CSTL1: variants seen among roughly 807,000 people sequenced by gnomAD.
CSTL1 encodes cystatin like 1, also known as cystatin-like 1.
In CSTL1, 14 loss-of-function variants were observed where a neutral mutation model predicts 14.4. The observed-to-expected ratio is 0.97, with a 90% CI of 0.64 to 1.52. CSTL1 has a LOEUF of 1.52. Ranked by LOEUF, CSTL1 falls within the 40% of genes most tolerant of loss-of-function variation. The pLI is 0.00. For missense variants in CSTL1, 170 were observed against 168.7 expected, an observed-to-expected ratio of 1.01 and a Z score of -0.04; for synonymous variants, 72 against 67.5, an observed-to-expected ratio of 1.07 and a Z score of -0.33.
chr20:23,451,990 G>C, the CSTL1 span: 8 of 1,175,884 alleles, frequency 6.8e-6, no homozygotes, highest in Non-Finnish European at 1.0e-5. Context: ...CTGTGCCTGG[G>C]GGCTCCGCTA....
rs545590194 is a variant in CSTL1, at chr20:23,439,722, C to A, written c.-209C>A. 9.9e-5 allele frequency: 16 copies of A among 161,244 alleles called. No homozygotes were observed. Among genetic ancestry groups the A allele is most frequent in the Admixed American group, 6.3e-4 (11 of 17,408 alleles). 10.0% of individuals were successfully genotyped at this position (161,244 alleles called of 1,614,324 possible). The stretch of plus-strand genomic sequence containing the variant: ...CAAGCAGAAATCTGTGGTGGGCGGG[C>A]GGCAGGTGAGCAAGGAGAACGTGTC... On this transcript the variant is annotated 5_prime_UTR_variant, in exon 1 of 4. Transcript: ENST00000347397.
At chr20:23,453,783 G>T in the CSTL1 span, among the ~76,000 whole-genome samples, 1 of 152,116 alleles carries the variant, frequency 6.6e-6, no homozygotes, top group South Asian at 2.1e-4. Context: ...TGCCTCCAGG[G>T]GATGCCAGGA....
At chr20:23,440,729 G>C in intron 2 of CSTL1, 1 of 601,958 alleles carries the variant, frequency 1.7e-6, no homozygotes, top group East Asian at 3.4e-5. Context: ...ACACTTAGAG[G>C]CAAAAGTGTT....
intron 3 of CSTL1, 103 bp downstream of exon 3, chr20:23,444,147 TGG>T: frequency 2.0e-6 from 2 of 977,626 alleles, no homozygotes; most frequent in Non-Finnish European, 3.2e-6. Flanking sequence ...TGGGGCCAGC[TGG>T]GGCCCAGCCC....
downstream of CSTL1, among the ~76,000 whole-genome samples, chr20:23,449,085 C>G (rs1318393615): frequency 6.6e-6 from 1 of 152,188 alleles, no homozygotes; most frequent in Non-Finnish European, 1.5e-5. Context: ...CAAAGCCAAT[C>G]CCATCTTGGT....
chr20:23,460,639 A>T, the CSTL1 span, among the ~76,000 whole-genome samples: 1 of 152,170 alleles, frequency 6.6e-6, no homozygotes, highest in Admixed American at 6.5e-5. Flanking sequence ...GGGGTTCAAA[A>T]TTTAAAGGGA....
intron 2 of CSTL1, among the ~76,000 whole-genome samples, chr20:23,442,929 T>C (rs1986869043): frequency 6.6e-6 from 1 of 152,208 alleles, no homozygotes. Context: ...CCAAGCTCTC[T>C]GTTAGTCTCC....
At chr20:23,447,320 T>G (rs746416641), downstream of CSTL1, among the ~76,000 whole-genome samples, 12 of 152,238 alleles carry the variant, frequency 7.9e-5, no homozygotes, top group Non-Finnish European at 1.6e-4. Flanking sequence ...ATAGAATTGC[T>G]TTGTGTAAAT....
the CSTL1 span, chr20:23,452,623 G>C: frequency 1.2e-6 from 2 of 1,613,800 alleles, no homozygotes; most frequent in East Asian, 4.5e-5. Context: ...TCCTGAAGTG[G>C]TACTTGTCAT....
At chr20:23,454,404 A>AC in the CSTL1 span, among the ~76,000 whole-genome samples, 253 of 151,418 alleles carry the variant, frequency 1.7e-3, 2 homozygotes, top group African/African-American at 5.5e-3. Flanking sequence ...ACATAGACAC[A>AC]CCCCCCCACG....
At chr20:23,449,018 G>A (rs544726924), downstream of CSTL1, among the ~76,000 whole-genome samples, 1 of 152,254 alleles carries the variant, frequency 6.6e-6, no homozygotes, top group Admixed American at 6.5e-5. Context: ...CAGGGTTCTG[G>A]GCATTCCAGC....
chr20:23,444,149 G>A lies in CSTL1; in HGVS notation c.330+105G>A, dbSNP rs373969183. 28 of 971,608 alleles carry A rather than the reference G, an allele frequency of 2.9e-5. 1 individual carries two copies. Among genetic ancestry groups the A allele is most frequent in the African/African-American group, 2.8e-4 (17 of 61,688 alleles). 60.2% of individuals were successfully genotyped at this position (971,608 alleles called of 1,614,324 possible). A position where few individuals can be genotyped will look rare whatever the true frequency, so the allele number is the denominator to read the frequency against. On this transcript the variant is annotated intron_variant, in intron 3 of 3. Transcript: ENST00000347397. The stretch of plus-strand genomic sequence containing the variant: ...CACTTGTGTGGATTGGGGCCAGCTG[G>A]GGCCCAGCCCTGGGGCTGTCTGGCA...
intron 1 of CSTL1, among the ~76,000 whole-genome samples, 153 bp from the exon 2 acceptor site, chr20:23,439,991 G>T (rs2123308930): frequency 6.6e-6 from 1 of 152,322 alleles, no homozygotes; most frequent in South Asian, 2.1e-4. Flanking sequence ...ACATGTGAAG[G>T]CAGGGAGAGG....
At chr20:23,457,930 C>T in the CSTL1 span, among the ~76,000 whole-genome samples, 1 of 152,086 alleles carries the variant, frequency 6.6e-6, no homozygotes. Flanking sequence ...TCTGGGGTAC[C>T]CTATTTTGTC....
At chr20:23,446,162 G>T (rs572741782), downstream of CSTL1, among the ~76,000 whole-genome samples, 1 of 152,250 alleles carries the variant, frequency 6.6e-6, no homozygotes, top group South Asian at 2.1e-4. Flanking sequence ...CTCTTCTCAT[G>T]CAGGAAAAGT....
At chr20:23,452,893 G>A in the CSTL1 span, 1 of 1,137,600 alleles carries the variant, frequency 8.8e-7, no homozygotes, top group South Asian at 1.5e-5. Flanking sequence ...ACCTGCCCTG[G>A]CAGGATTTAA....
the CSTL1 span, among the ~76,000 whole-genome samples, chr20:23,450,821 C>T: frequency 6.6e-5 from 10 of 152,178 alleles, no homozygotes; most frequent in South Asian, 6.2e-4. Context: ...AAAGTGTCTG[C>T]GCAGCCCATA....
downstream of CSTL1, among the ~76,000 whole-genome samples, chr20:23,448,430 G>C (rs752414521): frequency 2.0e-5 from 3 of 152,152 alleles, no homozygotes; most frequent in Non-Finnish European, 2.9e-5. Flanking sequence ...TGAGCATGGT[G>C]CTGGTTACAC....
At chr20:23,445,175 A>T (rs13037663), downstream of CSTL1, among the ~76,000 whole-genome samples, 41,359 of 150,746 alleles carry the variant, frequency 0.27, 6,479 homozygotes, top group Admixed American at 0.35. Flanking sequence ...TCGCACACAC[A>T]TTCAGTGGTC....
Sources: gnomAD v4.1 joint callset for allele counts (sites outside exome capture counted in the v4.1 genomes callset) on GRCh38, gnomAD v4.1.1 for gene constraint, MANE v1.5 for transcripts, NCBI Gene and HGNC (gene_info 2026-07-23, HGNC 2026-07-21) for gene names.